Variants in KAZN observed in about 807,000 individuals in gnomAD.
The protein encoded by KAZN is kazrin.
Under a neutral mutation model 87.4 loss-of-function variants are expected in KAZN, and 40 were observed. The observed-to-expected ratio is 0.46, with a 90% CI of 0.36 to 0.60. KAZN has a LOEUF of 0.60. Among genes scored for constraint, KAZN ranks in the 20% least tolerant of loss-of-function variants. The pLI, the probability that KAZN is intolerant of heterozygous loss-of-function variation, is 0.00. For synonymous variants in KAZN, 466 were observed against 458.3 expected (o/e 1.02, Z -0.22); for missense variants, 898 against 1,073.9 (o/e 0.84, Z 2.29).
chr1:14,042,741 G>T, intron 1 of KAZN, among the ~76,000 whole-genome samples: 1 of 152,036 alleles, frequency 6.6e-6, no homozygotes, highest in East Asian at 1.9e-4. Flanking sequence ...TCTATTTAAA[G>T]GGTTTCTCAA....
At chr1:13,993,577 T>C (rs1021882462) in intron 1 of KAZN, among the ~76,000 whole-genome samples, 3 of 152,232 alleles carry the variant, frequency 2.0e-5, no homozygotes, top group South Asian at 2.1e-4. Context: ...CAAGTACTGA[T>C]TAGCATCTAA....
chr1:13,945,168 A>G (rs1641089171), intron 1 of KAZN, among the ~76,000 whole-genome samples: 1 of 152,158 alleles, frequency 6.6e-6, no homozygotes, highest in South Asian at 2.1e-4. Flanking sequence ...TATCTGGAAG[A>G]TATGAATAAA....
chr1:14,283,097 A>G (rs1389850796), intron 2 of KAZN, among the ~76,000 whole-genome samples: 2 of 152,212 alleles, frequency 1.3e-5, no homozygotes, highest in Admixed American at 1.3e-4. Context: ...AGAACCTGCC[A>G]CTTCCAAGCC....
At chr1:14,301,986 T>C (rs1311311668) in intron 2 of KAZN, among the ~76,000 whole-genome samples, 1 of 152,206 alleles carries the variant, frequency 6.6e-6, no homozygotes, top group Non-Finnish European at 1.5e-5. Context: ...CCGCTCCCAA[T>C]TGGACTCTAA....
intron 1 of KAZN, among the ~76,000 whole-genome samples, chr1:14,631,304 G>T (rs1192132970): frequency 6.6e-6 from 1 of 152,220 alleles, no homozygotes; most frequent in East Asian, 1.9e-4. Flanking sequence ...AACAGTGAAG[G>T]CTAGAATAAT....
intron 1 of KAZN, among the ~76,000 whole-genome samples, chr1:14,730,912 G>A (rs1643649859): frequency 6.6e-6 from 1 of 152,116 alleles, no homozygotes; most frequent in Non-Finnish European, 1.5e-5. Context: ...GGGACTCCCA[G>A]ATGCCCACTC....
At chr1:14,316,445 T>C (rs1456127926) in intron 2 of KAZN, among the ~76,000 whole-genome samples, 1 of 152,032 alleles carries the variant, frequency 6.6e-6, no homozygotes, top group African/African-American at 2.4e-5. Context: ...ATTTGTGTCT[T>C]CTCCCTTTGT....
At chr1:14,742,919 A>G (rs1644150228) in intron 1 of KAZN, among the ~76,000 whole-genome samples, 1 of 152,180 alleles carries the variant, frequency 6.6e-6, no homozygotes, top group South Asian at 2.1e-4. Flanking sequence ...TCCTCTCTGT[A>G]ACTGCACTTG....
intron 1 of KAZN, among the ~76,000 whole-genome samples, chr1:14,872,770 G>A (rs966786730): frequency 2.0e-5 from 3 of 151,962 alleles, no homozygotes; most frequent in African/African-American, 4.8e-5. Context: ...ATGGACAAGT[G>A]GACAGATGAA....
At chr1:14,570,701 G>A (rs556871880) in intron 2 of KAZN, among the ~76,000 whole-genome samples, 3 of 152,180 alleles carry the variant, frequency 2.0e-5, no homozygotes, top group Non-Finnish European at 2.9e-5. Flanking sequence ...ATTCATCGAC[G>A]AGTGTTTGTG....
chr1:14,760,418 T>A (rs1330512154), intron 1 of KAZN, among the ~76,000 whole-genome samples: 1 of 152,226 alleles, frequency 6.6e-6, no homozygotes, highest in Non-Finnish European at 1.5e-5. Context: ...AAATAAGGTC[T>A]AAGGAGGTAC....
chr1:14,101,014 C>T (rs534723875), intron 1 of KAZN, among the ~76,000 whole-genome samples: 138 of 152,348 alleles, frequency 9.1e-4, no homozygotes, highest in Non-Finnish European at 1.7e-3. Context: ...CCGCCATAAT[C>T]GTGAGGCTTC....
At chr1:14,441,804 G>A (rs2148313760) in intron 2 of KAZN, among the ~76,000 whole-genome samples, 1 of 152,268 alleles carries the variant, frequency 6.6e-6, no homozygotes, top group East Asian at 1.9e-4. Flanking sequence ...TAACAAAAAA[G>A]AAATTGTTGA....
intron 1 of KAZN, among the ~76,000 whole-genome samples, chr1:14,111,332 T>C (rs72862569): frequency 0.063 from 7,557 of 120,468 alleles, 1,964 homozygotes; most frequent in African/African-American, 0.23. Flanking sequence ...AAGGAAAGAG[T>C]GCCTCCTAGA....
intron 1 of KAZN, among the ~76,000 whole-genome samples, chr1:14,031,954 G>A (rs1188923875): frequency 6.6e-6 from 1 of 152,144 alleles, no homozygotes; most frequent in Non-Finnish European, 1.5e-5. Context: ...GGGACAAACT[G>A]TTTTTTGCCC....
At chr1:14,251,689 C>A (rs1465388429) in intron 2 of KAZN, among the ~76,000 whole-genome samples, 1 of 131,848 alleles carries the variant, frequency 7.6e-6, no homozygotes, top group African/African-American at 3.1e-5. Flanking sequence ...CTCACTCTGT[C>A]ACCAGGCTAA....
intron 1 of KAZN, among the ~76,000 whole-genome samples, chr1:14,619,631 G>A (rs1678537351): frequency 6.6e-6 from 1 of 152,188 alleles, no homozygotes. Flanking sequence ...CCACTATCTA[G>A]TTCCAGAACC....
chr1:14,541,186 G>A (rs1476247389), intron 2 of KAZN, among the ~76,000 whole-genome samples: 1 of 152,164 alleles, frequency 6.6e-6, no homozygotes, highest in Non-Finnish European at 1.5e-5. Context: ...TCACGGAAAT[G>A]TTAACCATTT....
rs1010677960 is a variant in KAZN at position 14,357,482 on chromosome 1, G to A, written c.249+176890G>A. 3.3e-5 allele frequency among the ~76,000 whole-genome samples: 5 copies of A among 152,246 alleles called. No homozygotes were observed. The South Asian group carries it at 8.3e-4, about 25-fold the overall frequency. ...ATGTTGAATAAAAGTGGTGAGAGACGGCATCCTTGTCTTGTGCCGGTTTTC... is the reference window on the plus strand; with the variant it reads ...ATGTTGAATAAAAGTGGTGAGAGACAGCATCCTTGTCTTGTGCCGGTTTTC... On this transcript the variant is annotated intron_variant, in intron 2 of 16. Coordinates refer to the KAZN transcript ENST00000636203.
Sources: gnomAD v4.1 joint callset for allele counts (sites outside exome capture counted in the v4.1 genomes callset) on GRCh38, gnomAD v4.1.1 for gene constraint, MANE v1.5 for transcripts, NCBI Gene and HGNC (gene_info 2026-07-23, HGNC 2026-07-21) for gene names.